The following CDC42SE2 variants were observed in gnomAD, a reference collection of about 807,000 sequenced individuals.
CDC42SE2 encodes CDC42 small effector protein 2.
In CDC42SE2, 3 loss-of-function variants were observed where a neutral mutation model predicts 11.5. The ratio of observed to expected loss-of-function variants is 0.26; its 90% CI spans 0.12 to 0.67. The LOEUF (loss-of-function observed/expected upper bound fraction) is 0.67. Ranked by LOEUF, CDC42SE2 falls within the 30% of genes least tolerant of loss-of-function variation. The pLI is 0.80. For missense variants in CDC42SE2, 82 were observed against 106.8 expected, an observed-to-expected ratio of 0.77 and a Z score of 1.02; for synonymous variants, 33 against 34.8, an observed-to-expected ratio of 0.95 and a Z score of 0.18.
chr5:131,309,193 A>G (rs1056134869), intron 1 of CDC42SE2, among the ~76,000 whole-genome samples: 8 of 152,168 alleles, frequency 5.3e-5, no homozygotes, highest in Non-Finnish European at 1.0e-4. Flanking sequence ...TTCTGCATCT[A>G]TTGAGATAAT....
chr5:131,269,776 A>G (rs2149692536), intron 1 of CDC42SE2, among the ~76,000 whole-genome samples: 1 of 151,694 alleles, frequency 6.6e-6, no homozygotes, highest in South Asian at 2.1e-4. Flanking sequence ...AAAAAACAAA[A>G]CAGGCAGGGT....
chr5:131,245,622 ATAATG>A (rs1561560586), intron 1 of CDC42SE2: 1 of 152,230 alleles, frequency 6.6e-6, no homozygotes, highest in Non-Finnish European at 1.5e-5. Context: ...TGTTATTCTC[ATAATG>A]TAATGGTGCC....
intron 3 of CDC42SE2, among the ~76,000 whole-genome samples, chr5:131,368,120 G>T (rs1749910497): frequency 6.6e-6 from 1 of 152,014 alleles, no homozygotes; most frequent in South Asian, 2.1e-4. Flanking sequence ...GGGCGTGGTG[G>T]CGGACGCCTG....
At chr5:131,279,557 C>T (rs1282921482) in intron 1 of CDC42SE2, among the ~76,000 whole-genome samples, 4 of 148,774 alleles carry the variant, frequency 2.7e-5, no homozygotes, top group Non-Finnish European at 5.9e-5. Context: ...TGCTTACTTT[C>T]TCTGATAATT....
chr5:131,213,160 T>G, the CDC42SE2 span, among the ~76,000 whole-genome samples: 1 of 152,178 alleles, frequency 6.6e-6, no homozygotes, highest in African/African-American at 2.4e-5. Context: ...GCCATTGCAC[T>G]CCAGCCTGGG....
Position 131,351,824 on chromosome 5 carries a change from A to G in CDC42SE2, c.-285-7385A>G, listed in dbSNP as rs549673713. 3.3e-5 allele frequency among the ~76,000 whole-genome samples: 5 copies of G among 152,358 alleles called. No homozygotes were observed. In the East Asian group the frequency reaches 5.8e-4, roughly 18 times the overall value. On this transcript the variant is annotated intron_variant, in intron 2 of 4. Transcript: ENST00000505065. The stretch of plus-strand genomic sequence containing the variant: ...AAATCATAAGAGATAAAACTTATGC[A>G]TAAGACATTATCAAAGTTAAAAACT...
chr5:131,294,858 T>C (rs1757534024), intron 1 of CDC42SE2, among the ~76,000 whole-genome samples: 2 of 152,076 alleles, frequency 1.3e-5, no homozygotes, highest in Admixed American at 6.6e-5. Flanking sequence ...CTGGGTGCAG[T>C]GGTTCACACC....
At chr5:131,338,766 C>T (rs546760248) in intron 2 of CDC42SE2, among the ~76,000 whole-genome samples, 5 of 152,254 alleles carry the variant, frequency 3.3e-5, no homozygotes, top group African/African-American at 7.2e-5. Context: ...CAGAGTCTTA[C>T]GTTCTAAACC....
intron 2 of CDC42SE2, among the ~76,000 whole-genome samples, chr5:131,344,982 C>G (rs1758804013): frequency 6.6e-6 from 1 of 152,158 alleles, no homozygotes; most frequent in African/African-American, 2.4e-5. Context: ...ACATCCACAC[C>G]AAAACCCCAT....
chr5:131,313,531 G>C (rs921038728), intron 1 of CDC42SE2, among the ~76,000 whole-genome samples: 13 of 152,004 alleles, frequency 8.6e-5, no homozygotes, highest in Non-Finnish European at 1.5e-4. Context: ...TTTGGCATGC[G>C]GTATGAATAT....
chr5:131,328,290 A>G (rs538286271), intron 2 of CDC42SE2, among the ~76,000 whole-genome samples: 9 of 152,164 alleles, frequency 5.9e-5, no homozygotes, highest in African/African-American at 2.2e-4. Context: ...TATTAATCTT[A>G]TTCTTTTACT....
chr5:131,384,154 C>G (rs1198890736), intron 3 of CDC42SE2, among the ~76,000 whole-genome samples: 1 of 152,180 alleles, frequency 6.6e-6, no homozygotes, highest in African/African-American at 2.4e-5. Context: ...TTGCTGAATT[C>G]TAAGGATGAA....
intron 3 of CDC42SE2, among the ~76,000 whole-genome samples, chr5:131,374,065 A>T (rs1750082534): frequency 6.6e-6 from 1 of 152,188 alleles, no homozygotes; most frequent in Non-Finnish European, 1.5e-5. Flanking sequence ...ACTACAGGAA[A>T]ATTTCCCTAG....
At chr5:131,265,321 A>T (rs1391384006) in intron 1 of CDC42SE2, among the ~76,000 whole-genome samples, 1 of 152,186 alleles carries the variant, frequency 6.6e-6, no homozygotes, top group Non-Finnish European at 1.5e-5. Flanking sequence ...GGAGAAGATA[A>T]AGAGGGAGTG....
intron 2 of CDC42SE2, among the ~76,000 whole-genome samples, chr5:131,323,541 T>A (rs964209533): frequency 7.1e-6 from 1 of 141,250 alleles, no homozygotes. Flanking sequence ...TACCTCTCTC[T>A]CTCTGGTTTT....
the CDC42SE2 span, among the ~76,000 whole-genome samples, chr5:131,230,697 T>C: frequency 3.9e-5 from 6 of 152,192 alleles, no homozygotes; most frequent in African/African-American, 1.4e-4. Context: ...AAAATGCAAA[T>C]GCAGGAAAGA....
chr5:131,341,979 C>A (rs953160435), intron 2 of CDC42SE2, among the ~76,000 whole-genome samples: 2 of 151,706 alleles, frequency 1.3e-5, no homozygotes, highest in African/African-American at 2.4e-5. Flanking sequence ...ATCTTACTTA[C>A]AATTATAAAA....
intron 3 of CDC42SE2, among the ~76,000 whole-genome samples, chr5:131,366,778 C>T (rs1031560833): frequency 2.4e-4 from 36 of 152,090 alleles, no homozygotes; most frequent in Non-Finnish European, 4.6e-4. Flanking sequence ...AATCCCAACA[C>T]TTTGGGAGGC....
intron 1 of CDC42SE2, among the ~76,000 whole-genome samples, chr5:131,293,673 C>G (rs1757510757): frequency 6.6e-6 from 1 of 151,826 alleles, no homozygotes; most frequent in Non-Finnish European, 1.5e-5. Context: ...AACAAATTTT[C>G]ATTGTGTATA....
Sources: allele counts gnomAD v4.1 joint callset (sites outside exome capture counted in the v4.1 genomes callset), GRCh38; gene constraint gnomAD v4.1.1; transcripts MANE v1.5; gene names NCBI Gene and HGNC (gene_info 2026-07-23, HGNC 2026-07-21).